Variants in ATP8A2 observed in about 807,000 individuals in gnomAD.
The protein encoded by ATP8A2 is ATPase phospholipid transporting 8A2, also known as phospholipid-transporting ATPase IB.
A neutral mutation model predicts 165.6 loss-of-function variants in ATP8A2; 100 were observed. That is an observed-to-expected ratio of 0.60 (90% CI 0.51 to 0.71). The LOEUF is 0.71. ATP8A2 is among the 30% of genes least tolerant of loss of function. The pLI is 0.00. For missense variants in ATP8A2, 1,227 were observed against 1,479.5 expected (o/e 0.83, Z 2.80); for synonymous variants, 543 against 548.8 (o/e 0.99, Z 0.15).
At chr13:25,675,888 C>T (rs867528616) in intron 24 of ATP8A2, among the ~76,000 whole-genome samples, 19 of 152,048 alleles carry the variant, frequency 1.2e-4, no homozygotes, top group South Asian at 1.2e-3. Context: ...CCCTTTGATT[C>T]ATGTTATAGA....
At chr13:25,901,345 T>C (rs1593530132) in intron 33 of ATP8A2, among the ~76,000 whole-genome samples, 1 of 151,758 alleles carries the variant, frequency 6.6e-6, no homozygotes, top group East Asian at 1.9e-4. Flanking sequence ...GGGAGTGTTA[T>C]GGGATTGGAG....
chr13:25,896,960 A>G (rs1953573849), intron 33 of ATP8A2, among the ~76,000 whole-genome samples: 1 of 152,206 alleles, frequency 6.6e-6, no homozygotes. Flanking sequence ...TGAATACAGC[A>G]CACTGATGGG....
intron 30 of ATP8A2, among the ~76,000 whole-genome samples, chr13:25,846,703 A>G (rs1951873737): frequency 6.6e-6 from 1 of 152,190 alleles, no homozygotes; most frequent in South Asian, 2.1e-4. Flanking sequence ...TTATTGTAAT[A>G]TAACCACACA....
intron 2 of ATP8A2, among the ~76,000 whole-genome samples, chr13:25,506,376 T>C (rs973763138): frequency 6.6e-6 from 1 of 152,190 alleles, no homozygotes; most frequent in African/African-American, 2.4e-5. Context: ...TAGTCCCAGT[T>C]TGACTCCCTT....
chr13:25,672,595 T>A (rs7338813), intron 24 of ATP8A2, among the ~76,000 whole-genome samples: 150,643 of 152,292 alleles, frequency 0.99, 74,520 homozygotes, highest in East Asian at 1. Flanking sequence ...TCAAGTGCAA[T>A]CTTCTCATTC....
chr13:25,477,835 G>A (rs923604813), intron 2 of ATP8A2, among the ~76,000 whole-genome samples: 1 of 152,158 alleles, frequency 6.6e-6, no homozygotes, highest in Admixed American at 6.5e-5. Flanking sequence ...TACTCAGGAG[G>A]CTGAGGCTGG....
chr13:25,903,108 C>T (rs1384517473), intron 33 of ATP8A2, among the ~76,000 whole-genome samples: 1 of 152,020 alleles, frequency 6.6e-6, no homozygotes, highest in Non-Finnish European at 1.5e-5. Context: ...AAGAACGAAA[C>T]TCCGTCTCAA....
intron 29 of ATP8A2, among the ~76,000 whole-genome samples, chr13:25,838,715 A>C (rs1951685139): frequency 6.6e-6 from 1 of 152,166 alleles, no homozygotes. Context: ...TCCAGGGACA[A>C]CTTGTAGAGG....
chr13:25,431,337 C>T (rs879367400), intron 1 of ATP8A2, among the ~76,000 whole-genome samples: 7 of 152,120 alleles, frequency 4.6e-5, no homozygotes, highest in East Asian at 1.9e-4. Flanking sequence ...TTAGTAGAGA[C>T]GGGGTTTCTC....
intron 24 of ATP8A2, among the ~76,000 whole-genome samples, chr13:25,694,581 A>G (rs73154524): frequency 0.1 from 15,961 of 152,214 alleles, 965 homozygotes; most frequent in East Asian, 0.26. Flanking sequence ...CTCTCTACCC[A>G]AATTCTAAAG....
chr13:25,801,398 T>C (rs1950618887), intron 27 of ATP8A2, among the ~76,000 whole-genome samples: 1 of 152,314 alleles, frequency 6.6e-6, no homozygotes, highest in East Asian at 1.9e-4. Flanking sequence ...CCCACGGTTC[T>C]GGCCCGCTGG....
At chr13:25,674,271 C>A (rs78157012) in intron 24 of ATP8A2, among the ~76,000 whole-genome samples, 5 of 152,070 alleles carry the variant, frequency 3.3e-5, no homozygotes, top group East Asian at 1.9e-4. Context: ...TGTGTCCCCC[C>A]CCGAAAACTA....
chr13:25,851,958 TCA>T (rs1315883641), intron 30 of ATP8A2, among the ~76,000 whole-genome samples: 1 of 152,170 alleles, frequency 6.6e-6, no homozygotes, highest in African/African-American at 2.4e-5. Context: ...CCGTCCTGCC[TCA>T]GTTTCCTGAG....
At chr13:25,805,971 T>G (rs1037694797) in intron 27 of ATP8A2, among the ~76,000 whole-genome samples, 1 of 152,204 alleles carries the variant, frequency 6.6e-6, no homozygotes, top group African/African-American at 2.4e-5. Context: ...AGTGCTCTAA[T>G]ATAATATCTT....
chr13:25,785,633 T>C (rs574458716), intron 27 of ATP8A2, among the ~76,000 whole-genome samples: 1 of 152,368 alleles, frequency 6.6e-6, no homozygotes, highest in East Asian at 1.9e-4. Flanking sequence ...GAACTACTTC[T>C]GTGACAATGT....
intron 24 of ATP8A2, among the ~76,000 whole-genome samples, chr13:25,605,251 T>A (rs934750683): frequency 2.0e-5 from 3 of 152,208 alleles, no homozygotes; most frequent in Non-Finnish European, 4.4e-5. Flanking sequence ...GGACATGTTT[T>A]ATTTGGAATG....
chr13:25,491,690 G>A (rs2036533491), intron 2 of ATP8A2, among the ~76,000 whole-genome samples: 1 of 152,192 alleles, frequency 6.6e-6, no homozygotes, highest in South Asian at 2.1e-4. Context: ...TGCAGGGTAT[G>A]ATATTTTGTT....
intron 33 of ATP8A2, among the ~76,000 whole-genome samples, chr13:25,875,885 G>A (rs1052372860): frequency 2.6e-5 from 4 of 152,306 alleles, no homozygotes; most frequent in Non-Finnish European, 5.9e-5. Flanking sequence ...GAAGTACTAC[G>A]CTAATCATTC....
At chr13:25,609,535 G>GGATTCAAATATATATATATATATTTA (rs1565976825) in intron 24 of ATP8A2, among the ~76,000 whole-genome samples, 3 of 26,590 alleles carry the variant, frequency 1.1e-4, no homozygotes, top group South Asian at 9.8e-4. Flanking sequence ...TATATATTTG[G>GGATTCAAATATATATATATATATTTA]GATTCAAATA....
Sources: allele counts gnomAD v4.1 joint callset (sites outside exome capture counted in the v4.1 genomes callset), GRCh38; gene constraint gnomAD v4.1.1; transcripts MANE v1.5; gene names NCBI Gene and HGNC (gene_info 2026-07-23, HGNC 2026-07-21).